The following SLCO5A1 variants were observed in gnomAD, a reference collection of about 807,000 sequenced individuals.
The protein encoded by SLCO5A1 is organic anion transporter polypeptide-related protein 4.
In SLCO5A1, 39 loss-of-function variants were observed where a neutral mutation model predicts 65.1. The ratio of observed to expected loss-of-function variants is 0.60; its 90% CI spans 0.46 to 0.78. The LOEUF (loss-of-function observed/expected upper bound fraction) is 0.78. SLCO5A1 is among the 30% of genes least tolerant of loss of function. SLCO5A1 has a pLI of 0.00. For synonymous variants in SLCO5A1, 438 were observed against 415.7 expected, an observed-to-expected ratio of 1.05 and a Z score of -0.65; for missense variants, 1,029 against 1,069.4, an observed-to-expected ratio of 0.96 and a Z score of 0.53.
intron 5 of SLCO5A1, among the ~76,000 whole-genome samples, chr8:69,717,760 T>G (rs1385899910): frequency 6.6e-6 from 1 of 152,210 alleles, no homozygotes; most frequent in Non-Finnish European, 1.5e-5. Context: ...TATTTACATT[T>G]TCTTTAATTT....
chr8:69,761,928 A>G, intron 2 of SLCO5A1, 53 bp from the exon 3 acceptor site: 1 of 1,595,284 alleles, frequency 6.3e-7, no homozygotes, highest in Non-Finnish European at 8.5e-7. Context: ...ATTACATGTT[A>G]GGAGTTCTCT....
intron 2 of SLCO5A1, among the ~76,000 whole-genome samples, chr8:69,774,765 A>G (rs1345929651): frequency 6.6e-6 from 1 of 152,240 alleles, no homozygotes; most frequent in Middle Eastern, 3.2e-3. Flanking sequence ...GCATAATGAT[A>G]GGAGGCCACC....
At chr8:69,717,043 G>A (rs1815579530) in intron 5 of SLCO5A1, among the ~76,000 whole-genome samples, 1 of 152,110 alleles carries the variant, frequency 6.6e-6, no homozygotes, top group Non-Finnish European at 1.5e-5. Context: ...GCCTCCCAAT[G>A]TTGGAATTAC....
chr8:69,724,918 C>T (rs977651252), intron 5 of SLCO5A1, among the ~76,000 whole-genome samples: 1 of 152,148 alleles, frequency 6.6e-6, no homozygotes, highest in African/African-American at 2.4e-5. Flanking sequence ...ATTATCTACC[C>T]TGCCTCTTAC....
intron 2 of SLCO5A1, among the ~76,000 whole-genome samples, chr8:69,763,058 C>T (rs1291431898): frequency 6.6e-6 from 1 of 152,138 alleles, no homozygotes; most frequent in Admixed American, 6.5e-5. Flanking sequence ...GCCTGTAATC[C>T]CAACACTTTG....
chr8:69,672,985 G>A lies in SLCO5A1; in HGVS notation c.2431C>T (p.Gln811Ter). 5.0e-6 allele frequency: 8 copies of A among 1,614,160 alleles called. No individual in the cohort carries two copies. Among genetic ancestry groups the A allele is most frequent in the Non-Finnish European group, 3.4e-6 (4 of 1,180,024 alleles). ...QGEFHEETGL[Q>*]KGIQCAAQTY... The stretch of plus-strand genomic sequence containing the variant: ...TGTGCTGCGCACTGGATCCCTTTTT[G>A]CAGGCCAGTCTCTTCGTGGAATTCT... Residue 811 changes from glutamine to a stop codon, truncating the protein, a stop_gained, in exon 10 of 10, where the codon CAA (glutamine) becomes TAA (stop). Transcript: ENST00000260126. LOFTEE classifies it high-confidence loss of function.
chr8:69,821,358 C>CA (rs1028582725), intron 2 of SLCO5A1, among the ~76,000 whole-genome samples: 3 of 148,766 alleles, frequency 2.0e-5, no homozygotes, highest in African/African-American at 7.5e-5. Flanking sequence ...GACTCCGTCT[C>CA]AAAAAATAAA....
chr8:69,803,594 A>T (rs1819856366), intron 2 of SLCO5A1, among the ~76,000 whole-genome samples: 1 of 152,150 alleles, frequency 6.6e-6, no homozygotes, highest in African/African-American at 2.4e-5. Context: ...GCGTCACTGG[A>T]CCCTTTTTAG....
In SLCO5A1 at chr8:69,694,395, C is replaced by T. The variant is rs185463529; in HGVS notation, c.1622+10636G>A. ...CCAATCACACTGAACCAAACATGTACCTTACAAAGACTCCTCTCTTCACTG... is the reference window on the plus strand; with the variant it reads ...CCAATCACACTGAACCAAACATGTATCTTACAAAGACTCCTCTCTTCACTG... On this transcript the variant is annotated intron_variant, in intron 6 of 9. Coordinates refer to ENST00000260126, the MANE Select transcript of SLCO5A1 (RefSeq NM_030958.3). Among the ~76,000 whole-genome samples the T allele has an allele frequency of 2.4e-3, 358 of 152,240 alleles. 5 individuals are homozygous for T. Among genetic ancestry groups the T allele is most frequent in the Non-Finnish European group, 5.4e-4 (37 of 68,006 alleles).
chr8:69,712,110 T>C (rs1468636077), intron 5 of SLCO5A1, among the ~76,000 whole-genome samples: 1 of 152,236 alleles, frequency 6.6e-6, no homozygotes, highest in Non-Finnish European at 1.5e-5. Flanking sequence ...AGCATGTCTT[T>C]TATCTGAATC....
Position 69,672,912 on chromosome 8 carries a change from G to T in SLCO5A1, c.2504C>A (p.Pro835Gln). The T allele has an allele frequency of 6.2e-7, 1 of 1,613,786 alleles. No individual in the cohort carries two copies. The highest frequency in any genetic ancestry group is 8.5e-7 in the Non-Finnish European group (1 of 1,179,656). ...GGCAGCGGGGCTCTCTTCCAGCCCC[G>T]GGTCCGCAGAGGAACTTATTGCTTC... is the stretch of plus-strand genomic sequence containing the variant. ...FPEAISSSAD[P>Q]GLEESPAALE... Residue 835 changes from proline to glutamine, a missense_variant, in exon 10 of 10, where the codon CCG (proline) becomes CAG (glutamine). Coordinates refer to ENST00000260126, the MANE Select transcript of SLCO5A1 (RefSeq NM_030958.3).
At chr8:69,797,062 G>A (rs1025215305) in intron 2 of SLCO5A1, among the ~76,000 whole-genome samples, 1 of 152,208 alleles carries the variant, frequency 6.6e-6, no homozygotes, top group African/African-American at 2.4e-5. Context: ...TGTGTTGCGG[G>A]AAGTAAGGGA....
chr8:69,798,852 T>C (rs1405026953), intron 2 of SLCO5A1, among the ~76,000 whole-genome samples: 1 of 152,260 alleles, frequency 6.6e-6, no homozygotes, highest in East Asian at 1.9e-4. Flanking sequence ...TAGAATGCTA[T>C]ACATTGGCCA....
Position 69,672,675 on chromosome 8 carries a change from G to A in SLCO5A1, c.*194C>T. On this transcript the variant is annotated 3_prime_UTR_variant, in exon 10 of 10. Coordinates refer to ENST00000260126, the MANE Select transcript of SLCO5A1 (RefSeq NM_030958.3). Reference sequence around the variant, plus strand: ...CTGAACGTCTCCTTCTTGGAGAGAAGCGGGGAAAGGCTCTCAGTCTTGTTG... The same window carrying A: ...CTGAACGTCTCCTTCTTGGAGAGAAACGGGGAAAGGCTCTCAGTCTTGTTG... 1 of 607,994 alleles carries A rather than the reference G, an allele frequency of 1.6e-6. No homozygotes were observed. Among genetic ancestry groups the A allele is most frequent in the Non-Finnish European group, 2.8e-6 (1 of 353,702 alleles). 37.7% of individuals were successfully genotyped at this position (607,994 alleles called of 1,614,324 possible).
intron 1 of SLCO5A1, 93 bp downstream of exon 1, chr8:69,834,761 C>CACACAT (rs1231835465): frequency 6.5e-6 from 1 of 152,678 alleles, no homozygotes; most frequent in Admixed American, 6.6e-5. Flanking sequence ...CACACACACA[C>CACACAT]ACACACACAC....
intron 6 of SLCO5A1, among the ~76,000 whole-genome samples, chr8:69,695,247 C>T (rs919062764): frequency 6.6e-6 from 1 of 152,178 alleles, no homozygotes; most frequent in Non-Finnish European, 1.5e-5. Context: ...GTAATCCCAG[C>T]ACTTTGGGAG....
In SLCO5A1 at chr8:69,789,372, G is replaced by A. The variant is rs531427941; in HGVS notation, c.908-27497C>T. The stretch of plus-strand genomic sequence containing the variant: ...AGGAGAATAAACCTGAACATTGATA[G>A]GCAAGATGTTTTAGCTTCCTAGGCA... On this transcript the variant is annotated intron_variant, in intron 2 of 9. Transcript: ENST00000260126. 5.9e-5 allele frequency among the ~76,000 whole-genome samples: 9 copies of A among 152,314 alleles called. No homozygotes were observed. The East Asian group carries it at 1.7e-3, about 29-fold the overall frequency.
chr8:69,832,902 G>T lies in SLCO5A1; in HGVS notation c.-229C>A. 1 of 584,708 alleles carries T rather than the reference G, an allele frequency of 1.7e-6. No individual in the cohort carries two copies. Among genetic ancestry groups the T allele is most frequent in the South Asian group, 2.0e-5 (1 of 48,906 alleles). The allele number at this position is 584,708 out of a possible 1,614,324, so 36.2% of individuals were successfully genotyped here. A position where few individuals can be genotyped will look rare whatever the true frequency, so the allele number is the denominator to read the frequency against. On this transcript the variant is annotated 5_prime_UTR_variant, in exon 2 of 10. Transcript: ENST00000260126. The surrounding 1 kb of genome is among the most constrained non-coding windows in gnomAD (Gnocchi z 4.5). ...CGCAGCCGCGTGCCACAGGGGGCAG[G>T]GGTCCGCGCGGTACTGCGATGAGCC... is the stretch of plus-strand genomic sequence containing the variant.
rs1468162858 is a variant in SLCO5A1, at chr8:69,672,606, G to A, written c.*263C>T. ...GTACCTCAGCCTGTACCGTAGGGGA[G>A]CATGAGCTTTGAATTAACACAACGG... On this transcript the variant is annotated 3_prime_UTR_variant, in exon 10 of 10. Transcript: ENST00000260126. 11 of 481,928 alleles carry A rather than the reference G, an allele frequency of 2.3e-5. No individual in the cohort carries two copies. Among genetic ancestry groups the A allele is most frequent in the Non-Finnish European group, 4.1e-5 (11 of 270,764 alleles). 29.9% of individuals were successfully genotyped at this position (481,928 alleles called of 1,614,324 possible). A position where few individuals can be genotyped will look rare whatever the true frequency, so the allele number is the denominator to read the frequency against.
Sources: allele counts gnomAD v4.1 joint callset (sites outside exome capture counted in the v4.1 genomes callset), GRCh38; gene constraint gnomAD v4.1.1; non-coding constraint Gnocchi (gnomAD v3.1); transcripts MANE v1.5; gene names NCBI Gene and HGNC (gene_info 2026-07-23, HGNC 2026-07-21).